Variants in CLIC5 observed in about 807,000 individuals in gnomAD.
The protein encoded by CLIC5 is CLIC family member 5.
Under a neutral mutation model 24.7 loss-of-function variants are expected in CLIC5, and 20 were observed. The observed-to-expected ratio is 0.81, with a 90% CI of 0.57 to 1.18. The LOEUF is 1.18. Ranked by LOEUF, CLIC5 falls within the 50% of genes most tolerant of loss-of-function variation. The probability of loss-of-function intolerance (pLI) is 0.00; values close to 1 mark genes in which losing one functional copy is unlikely to be tolerated. For synonymous variants in CLIC5, 159 were observed against 135.6 expected, an observed-to-expected ratio of 1.17 and a Z score of -1.20; for missense variants, 341 against 326.1, an observed-to-expected ratio of 1.05 and a Z score of -0.35.
Position 45,969,843 on chromosome 6 carries a change from T to TAAAGAC in CLIC5, c.64-14605_64-14600dup, listed in dbSNP as rs1765139325. On this transcript the variant is annotated intron_variant, in intron 1 of 5. Transcript: ENST00000339561. ...TTAATCGTGGAGGATTTACTCAGGG[T>TAAAGAC]AAAGACAGAAAGCCACACTCCTACG... is the stretch of plus-strand genomic sequence containing the variant. 9.4e-5 allele frequency among the ~76,000 whole-genome samples: 13 copies of TAAAGAC among 138,546 alleles called. 1 individual carries two copies. The South Asian group carries it at 2.7e-3, about 29-fold the overall frequency. The allele number at this position is 138,546 out of a possible 152,430, so 90.9% of individuals were successfully genotyped here.
intron 1 of CLIC5, among the ~76,000 whole-genome samples, chr6:45,995,488 G>A (rs890426399): frequency 1.3e-5 from 2 of 152,204 alleles, no homozygotes; most frequent in African/African-American, 4.8e-5. Flanking sequence ...CCCAAGGCTG[G>A]CCCAGCAACT....
intron 1 of CLIC5, among the ~76,000 whole-genome samples, chr6:45,985,950 G>A (rs1765720466): frequency 6.6e-6 from 1 of 152,020 alleles, no homozygotes; most frequent in Non-Finnish European, 1.5e-5. Flanking sequence ...GAATCATGGG[G>A]GTAGGTCTTT....
chr6:46,006,231 G>A (rs892362843), intron 1 of CLIC5, among the ~76,000 whole-genome samples: 17 of 147,908 alleles, frequency 1.1e-4, no homozygotes, highest in South Asian at 8.6e-4. Context: ...TGCAGCCTCC[G>A]CCTCCTTGGT....
intron 4 of CLIC5, among the ~76,000 whole-genome samples, chr6:45,935,192 G>A (rs1763885108): frequency 6.6e-6 from 1 of 151,910 alleles, no homozygotes; most frequent in Non-Finnish European, 1.5e-5. Flanking sequence ...CATCCTCTTA[G>A]GAATGACAGA....
the CLIC5 span, among the ~76,000 whole-genome samples, chr6:46,115,314 A>G: frequency 2.0e-5 from 3 of 152,280 alleles, no homozygotes; most frequent in South Asian, 4.2e-4. Context: ...CTTGTGGCTG[A>G]GCATAGATTC....
chr6:45,891,885 G>A (rs997158013), intron 6 of CLIC5, among the ~76,000 whole-genome samples: 18 of 152,140 alleles, frequency 1.2e-4, no homozygotes, highest in African/African-American at 3.9e-4. Flanking sequence ...ACAACTGTAC[G>A]ATGAAGATTA....
chr6:46,105,209 G>T, the CLIC5 span, among the ~76,000 whole-genome samples: 4 of 152,176 alleles, frequency 2.6e-5, no homozygotes, highest in African/African-American at 7.2e-5. Flanking sequence ...AGGTGGTTCT[G>T]GATCTTATGA....
At chr6:46,008,117 T>C (rs1766657485) in intron 1 of CLIC5, among the ~76,000 whole-genome samples, 1 of 152,144 alleles carries the variant, frequency 6.6e-6, no homozygotes, top group Non-Finnish European at 1.5e-5. Context: ...CTATTGTGTG[T>C]AGACACTTCC....
chr6:46,065,964 T>C (rs887899571), intron 1 of CLIC5, among the ~76,000 whole-genome samples: 1 of 152,198 alleles, frequency 6.6e-6, no homozygotes, highest in Non-Finnish European at 1.5e-5. Context: ...CTAGGGCATA[T>C]GGTATAATGC....
At chr6:46,105,179 C>G in the CLIC5 span, among the ~76,000 whole-genome samples, 1 of 152,096 alleles carries the variant, frequency 6.6e-6, no homozygotes, top group Non-Finnish European at 1.5e-5. Context: ...AATAAAACTC[C>G]TTTCTTTGAG....
chr6:45,959,661 G>A (rs1389155657), intron 1 of CLIC5, among the ~76,000 whole-genome samples: 1 of 151,954 alleles, frequency 6.6e-6, no homozygotes, highest in Non-Finnish European at 1.5e-5. Flanking sequence ...CAAATATTAA[G>A]TCTGAGTAAG....
At chr6:45,938,050 T>A (rs115061432) in intron 4 of CLIC5, among the ~76,000 whole-genome samples, 336 of 152,048 alleles carry the variant, frequency 2.2e-3, no homozygotes, top group African/African-American at 7.6e-3. Flanking sequence ...CAAGAGAAAG[T>A]AAATGAAAAT....
At position 45,902,266 on chromosome 6, in the gene CLIC5, T is replaced by C. The variant is rs1451352928; in HGVS notation, c.*822A>G. On this transcript the variant is annotated 3_prime_UTR_variant, in exon 6 of 6. Transcript: ENST00000339561. Reference sequence around the variant, plus strand: ...TCAAACCCAGGCCTGTAATCACCTCTGAAACAACTACTCCTAAGCAAGCAA... The same window carrying C: ...TCAAACCCAGGCCTGTAATCACCTCCGAAACAACTACTCCTAAGCAAGCAA... 1 of 152,838 alleles carries C rather than the reference T, an allele frequency of 6.5e-6. No homozygotes were observed. The highest frequency in any genetic ancestry group is 1.5e-5 in the Non-Finnish European group (1 of 68,164). 9.5% of individuals were successfully genotyped at this position (152,838 alleles called of 1,614,324 possible).
At chr6:45,893,966 G>C (rs973792880), downstream of CLIC5, among the ~76,000 whole-genome samples, 1 of 152,184 alleles carries the variant, frequency 6.6e-6, no homozygotes, top group African/African-American at 2.4e-5. Flanking sequence ...ACTGCCACAA[G>C]AACCAGTTCA....
Position 46,022,813 on chromosome 6 carries a change from C to T in CLIC5, c.540+56890G>A, listed in dbSNP as rs566443923. ...GGTGTCTACTATGTGCCAGACACCG[C>T]TCATACTCATTTTAGAAGCCCCTGA... On this transcript the variant is annotated intron_variant, in intron 1 of 5. Transcript: ENST00000185206. 9.2e-5 allele frequency among the ~76,000 whole-genome samples: 14 copies of T among 152,286 alleles called. No homozygotes were observed. In the South Asian group the frequency reaches 2.7e-3, roughly 29 times the overall value.
intron 4 of CLIC5, among the ~76,000 whole-genome samples, chr6:45,931,820 G>A (rs908069815): frequency 1.2e-4 from 19 of 152,172 alleles, no homozygotes; most frequent in East Asian, 3.9e-4. Context: ...CACCATGCTC[G>A]GCTAATTTTT....
the CLIC5 span, among the ~76,000 whole-genome samples, chr6:46,092,741 CTTG>C: frequency 6.6e-6 from 1 of 152,204 alleles, no homozygotes; most frequent in African/African-American, 2.4e-5. Context: ...TTTACTATAT[CTTG>C]TTGTTCTCAG....
chr6:46,009,870 T>C (rs1482358769), intron 1 of CLIC5, among the ~76,000 whole-genome samples: 3 of 152,168 alleles, frequency 2.0e-5, no homozygotes, highest in African/African-American at 7.2e-5. Context: ...CAACTTCCCC[T>C]GAGTTTGAAG....
chr6:45,989,052 C>G (rs1765839172), intron 1 of CLIC5, among the ~76,000 whole-genome samples: 1 of 152,228 alleles, frequency 6.6e-6, no homozygotes, highest in Non-Finnish European at 1.5e-5. Flanking sequence ...GCTCTGTAGC[C>G]TGGAAGTGCT....
Sources: allele counts gnomAD v4.1 joint callset (sites outside exome capture counted in the v4.1 genomes callset), GRCh38; gene constraint gnomAD v4.1.1; transcripts MANE v1.5; gene names NCBI Gene and HGNC (gene_info 2026-07-23, HGNC 2026-07-21).